SIK3: variants seen among roughly 807,000 people sequenced by gnomAD.
SIK3 encodes the protein serine/threonine-protein kinase SIK3.
Under a neutral mutation model 144.2 loss-of-function variants are expected in SIK3, and 28 were observed. That is an observed-to-expected ratio of 0.19 (90% CI 0.14 to 0.27). The LOEUF (loss-of-function observed/expected upper bound fraction) is 0.27, where lower values mean the gene tolerates loss of function less well. SIK3 is among the 10% of genes least tolerant of loss of function. The probability of loss-of-function intolerance (pLI) is 1.00; values close to 1 mark genes in which losing one functional copy is unlikely to be tolerated. For missense variants in SIK3, 1,319 were observed against 1,776.0 expected, an observed-to-expected ratio of 0.74 and a Z score of 4.62; for synonymous variants, 686 against 676.3, an observed-to-expected ratio of 1.01 and a Z score of -0.22.
intron 1 of SIK3, among the ~76,000 whole-genome samples, chr11:117,052,033 T>C (rs919764674): frequency 9.2e-5 from 14 of 151,852 alleles, no homozygotes; most frequent in African/African-American, 3.4e-4. Context: ...TCCCAGCTAC[T>C]CAGGAGGCTG....
intron 1 of SIK3, among the ~76,000 whole-genome samples, chr11:117,048,744 A>G (rs1479227056): frequency 1.3e-5 from 2 of 152,188 alleles, no homozygotes; most frequent in African/African-American, 4.8e-5. Context: ...TACATATCCA[A>G]GAAAAAAATG....
chr11:117,001,496 A>G (rs1266517363), intron 1 of SIK3, among the ~76,000 whole-genome samples: 1 of 140,984 alleles, frequency 7.1e-6, no homozygotes, highest in East Asian at 2.0e-4. Context: ...ACACAGCAAG[A>G]TTCCATCTCA....
intron 4 of SIK3, among the ~76,000 whole-genome samples, chr11:116,916,930 C>T (rs964861411): frequency 1.9e-4 from 29 of 150,900 alleles, no homozygotes; most frequent in Non-Finnish European, 4.0e-4. Flanking sequence ...CAGAGCGAGA[C>T]CTCATCTCTA....
intron 1 of SIK3, among the ~76,000 whole-genome samples, chr11:116,967,675 T>C (rs1300564962): frequency 6.6e-6 from 1 of 152,216 alleles, no homozygotes; most frequent in African/African-American, 2.4e-5. Flanking sequence ...CTCCTATTTC[T>C]GAAAGTCTCA....
chr11:116,972,321 T>C (rs983872355), intron 1 of SIK3, among the ~76,000 whole-genome samples: 2 of 152,108 alleles, frequency 1.3e-5, no homozygotes, highest in Non-Finnish European at 2.9e-5. Context: ...TTCTCAAAAG[T>C]AGATTTTATG....
chr11:116,906,856 G>A (rs949759776), intron 4 of SIK3, among the ~76,000 whole-genome samples: 9 of 152,134 alleles, frequency 5.9e-5, no homozygotes, highest in Non-Finnish European at 1.2e-4. Context: ...ATAAAATTAG[G>A]CATTTCTTAC....
rs374241141 is a variant in SIK3 at position 116,947,569 on chromosome 11, A to ATGTATGTATGTATGTATTT, written c.454+6474_454+6475insAAATACATACATACATACA. On this transcript the variant is annotated intron_variant, in intron 3 of 24. Coordinates refer to ENST00000445177, the MANE Select transcript of SIK3 (RefSeq NM_001366686.3). ...TATGTATGTATGTATGTATGTATGT[A>ATGTATGTATGTATGTATTT]TTTTTTTTTTTTTTGAGACAGAGTC... Among the ~76,000 whole-genome samples the ATGTATGTATGTATGTATTT allele has an allele frequency of 5.6e-3, 612 of 109,428 alleles. 3 individuals are homozygous for ATGTATGTATGTATGTATTT. The highest frequency in any genetic ancestry group is 8.9e-3 in the Non-Finnish European group (475 of 53,370). 71.8% of individuals were successfully genotyped at this position (109,428 alleles called of 152,430 possible).
chr11:116,997,410 G>A lies in SIK3; in HGVS notation c.274-40346C>T, dbSNP rs78544409. Among the ~76,000 whole-genome samples the A allele has an allele frequency of 6.7e-3, 1,014 of 152,224 alleles. 6 individuals are homozygous for A. Among genetic ancestry groups the A allele is most frequent in the Non-Finnish European group, 8.6e-3 (587 of 68,016 alleles). On this transcript the variant is annotated intron_variant, in intron 1 of 24. Transcript: ENST00000445177. Reference sequence around the variant, plus strand: ...ATCATTCATTCAACAAATATGCAAGGCACTAAATGCATATCTACATCTATG... The same window carrying A: ...ATCATTCATTCAACAAATATGCAAGACACTAAATGCATATCTACATCTATG...
At chr11:116,914,885 G>A (rs1432294503) in intron 4 of SIK3, among the ~76,000 whole-genome samples, 2 of 152,010 alleles carry the variant, frequency 1.3e-5, no homozygotes, top group Non-Finnish European at 2.9e-5. Flanking sequence ...AACCTCCCGG[G>A]AAAGAAATTT....
intron 1 of SIK3, among the ~76,000 whole-genome samples, chr11:117,071,587 A>T (rs1385042775): frequency 1.3e-5 from 2 of 152,062 alleles, no homozygotes; most frequent in African/African-American, 4.8e-5. Context: ...GAAGGGGAAG[A>T]AGAAGGGAGG....
At chr11:116,958,419 A>G (rs908194914) in intron 1 of SIK3, among the ~76,000 whole-genome samples, 1 of 152,228 alleles carries the variant, frequency 6.6e-6, no homozygotes, top group African/African-American at 2.4e-5. Context: ...GCCATGCCTA[A>G]CGAGGGAGTG....
At chr11:116,985,789 T>C (rs774112839) in intron 1 of SIK3, among the ~76,000 whole-genome samples, 2 of 152,220 alleles carry the variant, frequency 1.3e-5, no homozygotes, top group African/African-American at 2.4e-5. Flanking sequence ...AGTCTTCTAG[T>C]ACAGATTAGA....
chr11:116,932,485 AC>A (rs1947670463), intron 3 of SIK3, among the ~76,000 whole-genome samples: 2 of 152,170 alleles, frequency 1.3e-5, no homozygotes, highest in South Asian at 4.1e-4. Flanking sequence ...AACTGCAATT[AC>A]TACAATAGCA....
intron 21 of SIK3, among the ~76,000 whole-genome samples, chr11:116,853,132 G>A (rs1035796014): frequency 5.3e-5 from 8 of 152,162 alleles, no homozygotes; most frequent in Non-Finnish European, 7.3e-5. Flanking sequence ...GGTTGTTTGG[G>A]GGCTCGAAAA....
chr11:117,050,955 C>T (rs1184437069), intron 1 of SIK3, among the ~76,000 whole-genome samples: 2 of 152,016 alleles, frequency 1.3e-5, no homozygotes, highest in Non-Finnish European at 2.9e-5. Context: ...GCCAAGTTGA[C>T]TAAGCTAAGG....
intron 1 of SIK3, among the ~76,000 whole-genome samples, chr11:117,080,532 T>C (rs1421437815): frequency 6.6e-6 from 1 of 152,142 alleles, no homozygotes; most frequent in Non-Finnish European, 1.5e-5. Flanking sequence ...TTAAAATAAG[T>C]CTACGTGTTT....
intron 1 of SIK3, among the ~76,000 whole-genome samples, chr11:117,045,987 T>C (rs1952945717): frequency 6.6e-6 from 1 of 152,242 alleles, no homozygotes; most frequent in Admixed American, 6.5e-5. Context: ...AGGATGAGAA[T>C]TAGGGTGTCC....
chr11:117,086,690 CAA>C (rs748882909), intron 1 of SIK3, among the ~76,000 whole-genome samples: 8 of 125,572 alleles, frequency 6.4e-5, no homozygotes, highest in African/African-American at 8.8e-5. Context: ...GACTCCGTCT[CAA>C]AAAAAAAAAA....
chr11:116,870,147 G>C (rs914070141), intron 14 of SIK3, 184 bp downstream of exon 14: 1 of 1,531,656 alleles, frequency 6.5e-7, no homozygotes, highest in African/African-American at 1.4e-5. Flanking sequence ...TTACAGAAAT[G>C]ACATTTTCTG....
Sources: allele counts gnomAD v4.1 joint callset (sites outside exome capture counted in the v4.1 genomes callset), GRCh38; gene constraint gnomAD v4.1.1; transcripts MANE v1.5; gene names NCBI Gene and HGNC (gene_info 2026-07-23, HGNC 2026-07-21).